FAM227A: variants seen among roughly 807,000 people sequenced by gnomAD.
FAM227A encodes the protein family with sequence similarity 227 member A.
A neutral mutation model predicts 74.7 loss-of-function variants in FAM227A; 80 were observed. The ratio of observed to expected loss-of-function variants is 1.07; its 90% confidence interval spans 0.89 to 1.29. FAM227A has a LOEUF of 1.29. Among genes scored for constraint, FAM227A ranks in the 50% most tolerant of loss-of-function variants. The pLI is 0.00. For synonymous variants in FAM227A, 237 were observed against 241.8 expected, an observed-to-expected ratio of 0.98 and a Z score of 0.19; for missense variants, 654 against 683.4, an observed-to-expected ratio of 0.96 and a Z score of 0.48.
intron 1 of FAM227A, among the ~76,000 whole-genome samples, chr22:38,651,082 G>C (rs1466440592): frequency 1.3e-5 from 2 of 152,112 alleles, no homozygotes; most frequent in Non-Finnish European, 2.9e-5. Context: ...TTACATGCCA[G>C]ACCCGCAGAA....
At chr22:38,602,943 T>C (rs1038785433) in intron 13 of FAM227A, among the ~76,000 whole-genome samples, 1 of 152,078 alleles carries the variant, frequency 6.6e-6, no homozygotes, top group Non-Finnish European at 1.5e-5. Flanking sequence ...ACGCAATCTC[T>C]GCTCACTGCA....
At chr22:38,597,128 A>G in intron 15 of FAM227A, 76 bp downstream of exon 15, 1 of 1,438,700 alleles carries the variant, frequency 7.0e-7, no homozygotes, top group Non-Finnish European at 9.5e-7. Flanking sequence ...CCACCAACCC[A>G]TTTAAAAATG....
At chr22:38,643,587 C>G (rs752174918) in intron 3 of FAM227A, among the ~76,000 whole-genome samples, 1 of 152,124 alleles carries the variant, frequency 6.6e-6, no homozygotes, top group Non-Finnish European at 1.5e-5. Context: ...TTTGGAAGAG[C>G]GTTTGCCGGT....
chr22:38,655,921 G>A (rs1054007338), intron 1 of FAM227A, among the ~76,000 whole-genome samples, 199 bp downstream of exon 1: 1 of 152,156 alleles, frequency 6.6e-6, no homozygotes, highest in African/African-American at 2.4e-5. Flanking sequence ...CTTATCAGAC[G>A]GAACCAATAA....
chr22:38,595,744 C>T (rs1175368783), intron 15 of FAM227A, among the ~76,000 whole-genome samples: 5 of 152,154 alleles, frequency 3.3e-5, no homozygotes, highest in Admixed American at 6.6e-5. Context: ...TGATATGCCT[C>T]CTAATGGGAT....
intron 2 of FAM227A, among the ~76,000 whole-genome samples, chr22:38,645,928 C>A (rs945742785): frequency 6.6e-6 from 1 of 151,944 alleles, no homozygotes; most frequent in Non-Finnish European, 1.5e-5. Flanking sequence ...GGACTACTGG[C>A]GCACACCACC....
chr22:38,584,348 T>C lies in FAM227A; in HGVS notation c.*1777A>G, dbSNP rs1569181598. The C allele has an allele frequency of 6.6e-6, 1 of 152,294 alleles. No individual in the cohort carries two copies. Among genetic ancestry groups the C allele is most frequent in the East Asian group, 1.9e-4 (1 of 5,186 alleles). The allele number at this position is 152,294 out of a possible 1,614,324, so 9.4% of individuals were successfully genotyped here. ...GAAAATGGAGGTAACAATATCCATC[T>C]TGGGGGACACCAGGAAGGTTAACTG... is the stretch of plus-strand genomic sequence containing the variant. On this transcript the variant is annotated 3_prime_UTR_variant, in exon 17 of 17. Transcript: ENST00000535113.
At chr22:38,652,587 C>CA (rs1603095659) in intron 1 of FAM227A, among the ~76,000 whole-genome samples, 3 of 107,160 alleles carry the variant, frequency 2.8e-5, no homozygotes, top group African/African-American at 3.7e-5. Context: ...GACTCCATCT[C>CA]AAGAAAAAAA....
intron 11 of FAM227A, among the ~76,000 whole-genome samples, chr22:38,613,333 A>AATATATATCAT (rs1446828186): frequency 2.4e-5 from 1 of 41,344 alleles, no homozygotes; most frequent in Admixed American, 4.4e-4. Context: ...TATCATATAT[A>AATATATATCAT]ATATATAACA....
chr22:38,586,372 G>A (rs987435457), intron 16 of FAM227A, among the ~76,000 whole-genome samples, 173 bp from the exon 17 acceptor site: 4 of 152,138 alleles, frequency 2.6e-5, no homozygotes, highest in Admixed American at 1.3e-4. Context: ...TGGCATCCAC[G>A]GCTTCCACAT....
intron 9 of FAM227A, among the ~76,000 whole-genome samples, 197 bp from the exon 10 acceptor site, chr22:38,623,476 GGAGCCCCTGCTGGCTCCT>G (rs2091735587): frequency 6.6e-6 from 1 of 152,182 alleles, no homozygotes; most frequent in Admixed American, 6.5e-5. Flanking sequence ...AGAGGCCTGG[GGAGCCCCTGCTGGCTCCT>G]GGGAGGCTGG....
At chr22:38,655,423 T>C (rs5750654) in intron 1 of FAM227A, among the ~76,000 whole-genome samples, 58,786 of 150,964 alleles carry the variant, frequency 0.39, 11,911 homozygotes, top group African/African-American at 0.5. Flanking sequence ...TCCAGCTACT[T>C]GGGAGGTGAA....
chr22:38,593,430 A>G (rs1470988287), intron 15 of FAM227A, among the ~76,000 whole-genome samples: 3 of 152,158 alleles, frequency 2.0e-5, no homozygotes, highest in Non-Finnish European at 4.4e-5. Flanking sequence ...GCATGAACCC[A>G]GGAGGCGGAG....
At chr22:38,648,950 C>A (rs1603084701) in intron 2 of FAM227A, among the ~76,000 whole-genome samples, 1 of 147,792 alleles carries the variant, frequency 6.8e-6, no homozygotes. Context: ...CCAGCCTGAG[C>A]AACAGAGTGA....
intron 16 of FAM227A, 87 bp downstream of exon 16, chr22:38,591,348 T>C: frequency 6.8e-7 from 1 of 1,472,814 alleles, no homozygotes; most frequent in Non-Finnish European, 9.0e-7. Context: ...AATAAAATAA[T>C]TATTATTCTT....
intron 9 of FAM227A, among the ~76,000 whole-genome samples, chr22:38,624,099 T>G (rs2091747183): frequency 6.6e-6 from 1 of 152,066 alleles, no homozygotes; most frequent in African/African-American, 2.4e-5. Flanking sequence ...AGACCCAGCT[T>G]TGGAGTGGCA....
chr22:38,591,214 C>T (rs2090926375), intron 16 of FAM227A: 2 of 817,186 alleles, frequency 2.4e-6, no homozygotes, highest in African/African-American at 1.8e-5. Context: ...GTCCCAGCTA[C>T]TCAGGAGGCT....
At chr22:38,596,193 C>T (rs1182228283) in intron 15 of FAM227A, among the ~76,000 whole-genome samples, 1 of 152,026 alleles carries the variant, frequency 6.6e-6, no homozygotes, top group Non-Finnish European at 1.5e-5. Context: ...TGGTGGTGCA[C>T]ACCTATAGTC....
chr22:38,613,265 A>AT (rs1569207275), intron 11 of FAM227A, among the ~76,000 whole-genome samples: 28 of 81,480 alleles, frequency 3.4e-4, no homozygotes, highest in Non-Finnish European at 5.4e-4. Flanking sequence ...ATATATTATA[A>AT]CATATATTAT....
Sources: gnomAD v4.1 joint callset for allele counts (sites outside exome capture counted in the v4.1 genomes callset) on GRCh38, gnomAD v4.1.1 for gene constraint, MANE v1.5 for transcripts, NCBI Gene and HGNC (gene_info 2026-07-23, HGNC 2026-07-21) for gene names.